The following ADAM23 variants were observed in gnomAD, a reference collection of about 807,000 sequenced individuals.
ADAM23 encodes the protein disintegrin and metalloproteinase domain-containing protein 23.
ADAM23 carries 33 observed loss-of-function variants against 120.1 expected under a neutral mutation model. That is an observed-to-expected ratio of 0.27 (90% confidence interval 0.21 to 0.37). The LOEUF (loss-of-function observed/expected upper bound fraction) is 0.37, where lower values mean the gene tolerates loss of function less well. ADAM23 is among the 10% of genes least tolerant of loss of function. The pLI, the probability that ADAM23 is intolerant of heterozygous loss-of-function variation, is 1.00. For synonymous variants in ADAM23, 367 were observed against 375.2 expected (o/e 0.98, Z 0.25); for missense variants, 862 against 1,058.2 (o/e 0.81, Z 2.57).
chr2:206,617,794 T>G lies in ADAM23; in HGVS notation c.*167T>G. 7.2e-7 allele frequency: 1 copy of G among 1,386,500 alleles called. No individual in the cohort carries two copies. Among genetic ancestry groups the G allele is most frequent in the Non-Finnish European group, 9.4e-7 (1 of 1,059,328 alleles). The allele number at this position is 1,386,500 out of a possible 1,614,324, so 85.9% of individuals were successfully genotyped here. ...GATGGGGTAAAAGAAAACTGTCTCT[T>G]TTGGAAATAATGTCAAAGAACACCT... On this transcript the variant is annotated 3_prime_UTR_variant, in exon 26 of 26. Transcript: ENST00000264377.
chr2:206,547,475 A>G lies in ADAM23; in HGVS notation c.767A>G (p.Gln256Arg), dbSNP rs1408451600. Residue 256 changes from glutamine to arginine, a missense_variant, in exon 7 of 26, where the codon CAG (glutamine) becomes CGG (arginine). Physicochemically the swap from Gln to Arg is conservative, Grantham distance 43 (BLOSUM62 1). Transcript: ENST00000264377. ...PHIIQKTLAG[Q>R]YSKQMKNLTM... ...ATAATCCAGAAAACCTTGGCAGGAC[A>G]GTATTCTAAGCAAATGAAGAATCTC... The G allele has an allele frequency of 2.0e-5, 33 of 1,612,918 alleles. No homozygotes were observed. Among genetic ancestry groups the G allele is most frequent in the African/African-American group, 2.7e-5 (2 of 74,898 alleles).
chr2:206,536,926 G>A (rs185187722), intron 4 of ADAM23, among the ~76,000 whole-genome samples: 2 of 151,766 alleles, frequency 1.3e-5, no homozygotes, highest in African/African-American at 4.8e-5. Flanking sequence ...GGCTGGTCTC[G>A]AACTCCTGAC....
rs374388123 is a variant in ADAM23 at position 206,571,714 on chromosome 2, G to A, written c.1567-13G>A. On this transcript the variant is annotated splice_polypyrimidine_tract_variant and intron_variant, in intron 16 of 25. Transcript: ENST00000264377. Reference sequence around the variant, plus strand: ...AAGGCTCTTCGCTTACTCACGTGAAGTGTTTTCTCTAGGAATGCTATGGAT... The same window carrying A: ...AAGGCTCTTCGCTTACTCACGTGAAATGTTTTCTCTAGGAATGCTATGGAT... 2.7e-5 allele frequency: 43 copies of A among 1,610,398 alleles called. No homozygotes were observed. The African/African-American group carries it at 4.9e-4, about 18-fold the overall frequency.
intron 8 of ADAM23, among the ~76,000 whole-genome samples, chr2:206,549,620 A>G (rs1697471492): frequency 1.3e-5 from 2 of 151,992 alleles, no homozygotes; most frequent in Admixed American, 6.6e-5. Flanking sequence ...TAATGTTTCT[A>G]TTTAACTACA....
chr2:206,610,689 T>G (rs1353968518), intron 25 of ADAM23, among the ~76,000 whole-genome samples: 1 of 152,228 alleles, frequency 6.6e-6, no homozygotes, highest in Admixed American at 6.5e-5. Context: ...GAACTAAGAT[T>G]GTTTAAATAG....
chr2:206,610,357 T>C (rs1253682918), intron 25 of ADAM23, among the ~76,000 whole-genome samples: 1 of 152,234 alleles, frequency 6.6e-6, no homozygotes, highest in Non-Finnish European at 1.5e-5. Flanking sequence ...AAATTGCTTG[T>C]ATCTGTTTAA....
intron 3 of ADAM23, among the ~76,000 whole-genome samples, chr2:206,520,891 A>G (rs919548463): frequency 2.0e-4 from 31 of 151,974 alleles, no homozygotes; most frequent in African/African-American, 6.5e-4. Flanking sequence ...TTTCAACACT[A>G]TTGCCCCATA....
chr2:206,464,595 A>G (rs1026759045), intron 2 of ADAM23, among the ~76,000 whole-genome samples: 14 of 152,048 alleles, frequency 9.2e-5, no homozygotes, highest in Non-Finnish European at 1.8e-4. Flanking sequence ...AATAATAATA[A>G]TAAAAAGAAA....
chr2:206,488,404 C>A (rs896015013), intron 3 of ADAM23, among the ~76,000 whole-genome samples: 1 of 152,090 alleles, frequency 6.6e-6, no homozygotes, highest in African/African-American at 2.4e-5. Flanking sequence ...GGTGGGATTC[C>A]ATGGGACTCC....
At chr2:206,569,092 G>A (rs1356496827) in intron 15 of ADAM23, among the ~76,000 whole-genome samples, 1 of 152,204 alleles carries the variant, frequency 6.6e-6, no homozygotes, top group Non-Finnish European at 1.5e-5. Flanking sequence ...ACTAATGTGA[G>A]CTGCTGGCAT....
At chr2:206,492,604 A>G (rs1226573583) in intron 3 of ADAM23, among the ~76,000 whole-genome samples, 3 of 152,164 alleles carry the variant, frequency 2.0e-5, no homozygotes, top group Non-Finnish European at 1.5e-5. Context: ...TCTGCTTGCA[A>G]GATTGTGCCT....
chr2:206,539,871 T>C (rs912722525), intron 4 of ADAM23, among the ~76,000 whole-genome samples: 3 of 152,240 alleles, frequency 2.0e-5, no homozygotes, highest in African/African-American at 4.8e-5. Context: ...CAGAAAATCC[T>C]CTAATACTGC....
At chr2:206,479,672 T>TTCTCTC (rs377258635) in intron 2 of ADAM23, among the ~76,000 whole-genome samples, 1 of 150,826 alleles carries the variant, frequency 6.6e-6, no homozygotes, top group Non-Finnish European at 1.5e-5. Flanking sequence ...TGACAGAAGT[T>TTCTCTC]TCTCTCTCTC....
intron 2 of ADAM23, among the ~76,000 whole-genome samples, chr2:206,462,842 T>C (rs2105861081): frequency 6.6e-6 from 1 of 152,204 alleles, no homozygotes; most frequent in South Asian, 2.1e-4. Context: ...TTTGTTGTGG[T>C]TTCATCAGGA....
intron 14 of ADAM23, 116 bp downstream of exon 14, chr2:206,565,184 ATAAT>A (rs1440238760): frequency 3.7e-6 from 3 of 800,846 alleles, no homozygotes; most frequent in African/African-American, 3.5e-5. Context: ...TATAAAATGA[ATAAT>A]TAATTGTCTG....
intron 24 of ADAM23, chr2:206,605,641 G>A: frequency 1.6e-6 from 1 of 629,644 alleles, no homozygotes. Flanking sequence ...TCTTCAATGT[G>A]TATGTAGATC....
chr2:206,531,772 TTTTG>T (rs998185894), intron 4 of ADAM23, among the ~76,000 whole-genome samples: 9 of 152,260 alleles, frequency 5.9e-5, no homozygotes, highest in East Asian at 1.9e-4. Context: ...CTCACTGGAT[TTTTG>T]TTTGTCTTTT....
chr2:206,564,225 G>A (rs1465802173), intron 13 of ADAM23, among the ~76,000 whole-genome samples: 1 of 151,390 alleles, frequency 6.6e-6, no homozygotes, highest in South Asian at 2.1e-4. Flanking sequence ...TCGATATATC[G>A]ATAGAGAGAG....
chr2:206,467,592 G>A lies in ADAM23; in HGVS notation c.433-13640G>A, dbSNP rs115833159. Reference sequence around the variant, plus strand: ...GCCCCCAAGGCTGCTCTTAAGGGCTGGCATTGAGTGCCTGTGGCTTTTACA... The same window carrying A: ...GCCCCCAAGGCTGCTCTTAAGGGCTAGCATTGAGTGCCTGTGGCTTTTACA... On this transcript the variant is annotated intron_variant, in intron 2 of 25. Coordinates refer to ENST00000264377, the MANE Select transcript of ADAM23 (RefSeq NM_003812.4). Among the ~76,000 whole-genome samples the A allele has an allele frequency of 3.9e-3, 601 of 152,314 alleles. 6 individuals carry two copies. The highest frequency in any genetic ancestry group is 0.013 in the African/African-American group (558 of 41,576).
Sources: gnomAD v4.1 joint callset for allele counts (sites outside exome capture counted in the v4.1 genomes callset) on GRCh38, gnomAD v4.1.1 for gene constraint, MANE v1.5 for transcripts, NCBI Gene and HGNC (gene_info 2026-07-23, HGNC 2026-07-21) for gene names.